Variants in PEAK1 observed in about 807,000 individuals in gnomAD.
PEAK1 encodes pseudopodium enriched atypical kinase 1.
PEAK1 carries 54 observed loss-of-function variants against 124.7 expected under a neutral mutation model. That is an observed-to-expected ratio of 0.43 (90% CI 0.35 to 0.54). The LOEUF (loss-of-function observed/expected upper bound fraction) is 0.54. PEAK1 is among the 20% of genes least tolerant of loss of function. The probability of loss-of-function intolerance (pLI) is 0.01; values close to 1 mark genes in which losing one functional copy is unlikely to be tolerated. For synonymous variants in PEAK1, 719 were observed against 760.0 expected (o/e 0.95, Z 0.89); for missense variants, 2,046 against 2,134.5 (o/e 0.96, Z 0.82).
chr15:77,238,492 T>C (rs1476712758), intron 6 of PEAK1, among the ~76,000 whole-genome samples: 3 of 152,234 alleles, frequency 2.0e-5, no homozygotes, highest in Non-Finnish European at 2.9e-5. Context: ...TTGCTTTCTT[T>C]ATTAACTCTT....
rs1178536053 is a variant in PEAK1, at chr15:77,108,209, G to A, written c.*5947C>T. The A allele has an allele frequency of 2.0e-5, 3 of 152,170 alleles. No homozygotes were observed. Among genetic ancestry groups the A allele is most frequent in the Non-Finnish European group, 4.4e-5 (3 of 68,036 alleles). 9.4% of individuals were successfully genotyped at this position (152,170 alleles called of 1,614,324 possible). A position where few individuals can be genotyped will look rare whatever the true frequency, so the allele number is the denominator to read the frequency against. On this transcript the variant is annotated 3_prime_UTR_variant, in exon 10 of 10. Coordinates refer to ENST00000682557, the MANE Select transcript of PEAK1 (RefSeq NM_001385026.1). Reference sequence around the variant, plus strand: ...TATTTACACAGTAACATGATGCCACGGAGTACACAGCAAAGTACCACAGCA... The same window carrying A: ...TATTTACACAGTAACATGATGCCACAGAGTACACAGCAAAGTACCACAGCA...
Position 77,180,226 on chromosome 15 carries a change from T to C in PEAK1, c.1701A>G (p.Lys567=). 1.2e-6 allele frequency: 2 copies of C among 1,614,164 alleles called. No individual in the cohort carries two copies. Among genetic ancestry groups the C allele is most frequent in the East Asian group, 2.2e-5 (1 of 44,888 alleles). ...TAGCTGTGGGTGATGTAGGTGCTGA[T>C]TTGTGACAGTTTTTCCTTGGAGGAA... is the stretch of plus-strand genomic sequence containing the variant. ...PNVPPRKNCH[K]SAPTSPTATN... is the part of the protein sequence containing the mutation. The change falls in exon 7 of 10, where the codon AAA becomes AAG. Residue 567 remains lysine, a synonymous_variant. Transcript: ENST00000682557.
intron 7 of PEAK1, among the ~76,000 whole-genome samples, chr15:77,171,495 A>G (rs745769946): frequency 6.6e-6 from 1 of 152,338 alleles, no homozygotes; most frequent in Non-Finnish European, 1.5e-5. Flanking sequence ...CATAGGAGTA[A>G]AAAGTAGAAG....
At chr15:77,241,909 T>C (rs1217786352) in intron 6 of PEAK1, among the ~76,000 whole-genome samples, 2 of 152,086 alleles carry the variant, frequency 1.3e-5, no homozygotes, top group Non-Finnish European at 2.9e-5. Flanking sequence ...TTCTTCAAAC[T>C]AATCCGTAGA....
chr15:77,235,062 C>A (rs1596773236), intron 6 of PEAK1, among the ~76,000 whole-genome samples: 1 of 152,060 alleles, frequency 6.6e-6, no homozygotes, highest in Non-Finnish European at 1.5e-5. Context: ...TCACCTTCCA[C>A]CATGATTTTA....
intron 6 of PEAK1, among the ~76,000 whole-genome samples, chr15:77,188,755 G>T (rs914917523): frequency 6.6e-6 from 1 of 152,054 alleles, no homozygotes; most frequent in Admixed American, 6.5e-5. Flanking sequence ...TTGTAATTAT[G>T]TAAGTCCCCA....
intron 2 of PEAK1, among the ~76,000 whole-genome samples, chr15:77,308,239 T>A (rs925591416): frequency 5.3e-5 from 8 of 152,086 alleles, no homozygotes; most frequent in African/African-American, 2.4e-5. Flanking sequence ...ACTTAATCTC[T>A]CTGAGCTTCC....
chr15:77,386,985 T>A (rs1398859985), intron 1 of PEAK1, among the ~76,000 whole-genome samples: 1 of 152,140 alleles, frequency 6.6e-6, no homozygotes, highest in Non-Finnish European at 1.5e-5. Flanking sequence ...AAAAAAAATC[T>A]ATTTAAACAA....
At chr15:77,141,428 A>T (rs1030870313) in intron 8 of PEAK1, among the ~76,000 whole-genome samples, 13 of 152,216 alleles carry the variant, frequency 8.5e-5, no homozygotes, top group Non-Finnish European at 1.5e-4. Flanking sequence ...CATGGATCAG[A>T]GACTTTATAT....
chr15:77,303,467 T>C (rs1415408583), intron 2 of PEAK1, among the ~76,000 whole-genome samples: 1 of 152,224 alleles, frequency 6.6e-6, no homozygotes, highest in Non-Finnish European at 1.5e-5. Context: ...TGGTACCACA[T>C]TATTGTTTTA....
chr15:77,125,685 C>G (rs1309494847), intron 9 of PEAK1, among the ~76,000 whole-genome samples: 1 of 152,240 alleles, frequency 6.6e-6, no homozygotes, highest in Non-Finnish European at 1.5e-5. Flanking sequence ...CCAGGTCTGT[C>G]TGACTTAAAA....
At chr15:77,378,539 A>C (rs2069218605) in intron 1 of PEAK1, among the ~76,000 whole-genome samples, 1 of 152,206 alleles carries the variant, frequency 6.6e-6, no homozygotes, top group Non-Finnish European at 1.5e-5. Context: ...GGAAAATAAA[A>C]TATTTCCCTT....
In PEAK1 at chr15:77,376,605, G is replaced by A. The variant is rs114802449; in HGVS notation, c.-665-11380C>T. ...CCCTCTACATCCCACAGCATATTTC[G>A]AAGATACACTTTTCTGGTTTTCTAA... On this transcript the variant is annotated intron_variant, in intron 1 of 9. Transcript: ENST00000682557. 7.3e-3 allele frequency among the ~76,000 whole-genome samples: 1,106 copies of A among 152,130 alleles called. 15 individuals are homozygous for A. Among genetic ancestry groups the A allele is most frequent in the African/African-American group, 0.025 (1,049 of 41,494 alleles).
chr15:77,317,403 C>T (rs538748189), intron 2 of PEAK1, among the ~76,000 whole-genome samples: 6 of 152,222 alleles, frequency 3.9e-5, no homozygotes, highest in African/African-American at 1.4e-4. Flanking sequence ...ATACCAGACA[C>T]AATCAGTTAA....
chr15:77,419,445 C>G lies in PEAK1; in HGVS notation c.-666+561G>C, dbSNP rs183613228. On this transcript the variant is annotated intron_variant, in intron 1 of 9. Coordinates refer to ENST00000682557, the MANE Select transcript of PEAK1 (RefSeq NM_001385026.1). ...CACAACCCCCAAACGACCCCGCCAG[C>G]CCACACGTTCGCGGGCTCCCCAGCC... is the stretch of plus-strand genomic sequence containing the variant. The G allele has an allele frequency of 4.7e-4, 465 of 985,374 alleles. 3 individuals carry two copies. The African/African-American group carries it at 7.8e-3, about 16-fold the overall frequency. The allele number at this position is 985,374 out of a possible 1,614,324, so 61.0% of individuals were successfully genotyped here. A position where few individuals can be genotyped will look rare whatever the true frequency, so the allele number is the denominator to read the frequency against.
At chr15:77,359,155 G>C (rs1178916448) in intron 2 of PEAK1, among the ~76,000 whole-genome samples, 1 of 152,134 alleles carries the variant, frequency 6.6e-6, no homozygotes, top group African/African-American at 2.4e-5. Flanking sequence ...AACGAGACAA[G>C]GGCTGAGCAC....
At chr15:77,349,869 C>A (rs1011125460) in intron 2 of PEAK1, 1 of 985,224 alleles carries the variant, frequency 1.0e-6, no homozygotes, top group Non-Finnish European at 1.2e-6. Flanking sequence ...GAGGAGCCAA[C>A]TGAACAATAT....
chr15:77,266,585 A>AAACCATTTGCCATATCAAG (rs1252703871), intron 5 of PEAK1, among the ~76,000 whole-genome samples: 2 of 152,224 alleles, frequency 1.3e-5, no homozygotes, highest in South Asian at 4.1e-4. Flanking sequence ...TTTTGATTGA[A>AAACCATTTGCCATATCAAG]AACCATTTGC....
intron 1 of PEAK1, among the ~76,000 whole-genome samples, chr15:77,377,133 C>A (rs2069092545): frequency 6.6e-6 from 1 of 152,134 alleles, no homozygotes; most frequent in South Asian, 2.1e-4. Flanking sequence ...GCCTGTAATC[C>A]CAACACTTTG....
Sources: allele counts gnomAD v4.1 joint callset (sites outside exome capture counted in the v4.1 genomes callset), GRCh38; gene constraint gnomAD v4.1.1; transcripts MANE v1.5; gene names NCBI Gene and HGNC (gene_info 2026-07-23, HGNC 2026-07-21).